Variants in SPRED2 observed in about 807,000 individuals in gnomAD.
The protein encoded by SPRED2 is sprouty-related, EVH1 domain-containing protein 2.
In SPRED2, 47 loss-of-function variants were observed where a neutral mutation model predicts 43.0. The ratio of observed to expected loss-of-function variants is 1.09; its 90% CI spans 0.87 to 1.40. SPRED2 has a LOEUF of 1.40. Ranked by LOEUF, SPRED2 falls within the 40% of genes most tolerant of loss-of-function variation. SPRED2 has a pLI of 0.00. For synonymous variants in SPRED2, 225 were observed against 225.7 expected, an observed-to-expected ratio of 1.00 and a Z score of 0.03; for missense variants, 561 against 586.4, an observed-to-expected ratio of 0.96 and a Z score of 0.45.
At chr2:65,386,281 GTC>G (rs1675498060) in intron 1 of SPRED2, among the ~76,000 whole-genome samples, 1 of 74,740 alleles carries the variant, frequency 1.3e-5, no homozygotes, top group East Asian at 5.6e-4. Context: ...GTGAGACTCT[GTC>G]TCAAAAAAAA....
chr2:65,322,179 A>G (rs1346242451), intron 4 of SPRED2, among the ~76,000 whole-genome samples: 1 of 138,858 alleles, frequency 7.2e-6, no homozygotes, highest in East Asian at 2.1e-4. Flanking sequence ...ATGAAACTAG[A>G]TTTTTCTAAG....
In SPRED2 at chr2:65,311,774, G is replaced by A. The variant is rs1326000354; in HGVS notation, c.*1727C>T. 13 of 985,294 alleles carry A rather than the reference G, an allele frequency of 1.3e-5. No homozygotes were observed. The highest frequency in any genetic ancestry group is 5.2e-4 in the Middle Eastern group (1 of 1,936). The allele number at this position is 985,294 out of a possible 1,614,324, so 61.0% of individuals were successfully genotyped here. ...CATAAGCACACTGGGTATTTACACC[G>A]GTAATCTACTAAAGAAAATCGATGA... On this transcript the variant is annotated 3_prime_UTR_variant, in exon 6 of 6. Coordinates refer to ENST00000356388, the MANE Select transcript of SPRED2 (RefSeq NM_181784.3).
intron 2 of SPRED2, among the ~76,000 whole-genome samples, chr2:65,337,274 T>C (rs114066823): frequency 0.019 from 2,881 of 152,262 alleles, 83 homozygotes; most frequent in African/African-American, 0.066. Context: ...TCCCAACAGA[T>C]ATAAACTCTC....
At chr2:65,329,477 G>T (rs1673743318) in intron 4 of SPRED2, among the ~76,000 whole-genome samples, 1 of 152,234 alleles carries the variant, frequency 6.6e-6, no homozygotes, top group Admixed American at 6.5e-5. Context: ...CAGAATACAA[G>T]AAATTAAGTG....
intron 1 of SPRED2, among the ~76,000 whole-genome samples, chr2:65,349,230 A>T (rs777781823): frequency 2.0e-5 from 3 of 147,232 alleles, no homozygotes; most frequent in Non-Finnish European, 4.5e-5. Flanking sequence ...AATTGCTTGA[A>T]CCCAGGAGGT....
At chr2:65,372,269 C>G (rs1273959534) in intron 1 of SPRED2, among the ~76,000 whole-genome samples, 1 of 152,068 alleles carries the variant, frequency 6.6e-6, no homozygotes, top group African/African-American at 2.4e-5. Flanking sequence ...GAGGGAAAAT[C>G]AGGGCTGGAT....
intron 1 of SPRED2, among the ~76,000 whole-genome samples, chr2:65,406,616 G>T (rs1676029506): frequency 6.6e-6 from 1 of 152,160 alleles, no homozygotes; most frequent in African/African-American, 2.4e-5. Flanking sequence ...GGGAAGTAGG[G>T]GTGGAAATGG....
At chr2:65,422,762 GTTGT>G (rs1558693264) in intron 1 of SPRED2, among the ~76,000 whole-genome samples, 1 of 152,040 alleles carries the variant, frequency 6.6e-6, no homozygotes, top group African/African-American at 2.4e-5. Context: ...GTTTTTTGTT[GTTGT>G]TTTTTATTTT....
At chr2:65,402,326 T>C (rs929569676) in intron 1 of SPRED2, among the ~76,000 whole-genome samples, 10 of 148,366 alleles carry the variant, frequency 6.7e-5, no homozygotes, top group African/African-American at 2.0e-4. Flanking sequence ...AATAATGCTA[T>C]TGGGGATCTG....
chr2:65,383,070 G>C (rs1572884161), intron 1 of SPRED2, among the ~76,000 whole-genome samples: 1 of 152,210 alleles, frequency 6.6e-6, no homozygotes, highest in Non-Finnish European at 1.5e-5. Context: ...CCGCCTCTCT[G>C]CAAGAGTCAT....
At chr2:65,372,589 A>G (rs142017973) in intron 1 of SPRED2, among the ~76,000 whole-genome samples, 78 of 152,210 alleles carry the variant, frequency 5.1e-4, no homozygotes, top group African/African-American at 1.8e-3. Flanking sequence ...CCTGGTTGCA[A>G]ACAGACCAAG....
At chr2:65,422,360 T>C (rs1317917048) in intron 1 of SPRED2, among the ~76,000 whole-genome samples, 1 of 152,148 alleles carries the variant, frequency 6.6e-6, no homozygotes, top group Non-Finnish European at 1.5e-5. Flanking sequence ...AGTAATCAGT[T>C]AGTCAGTCAT....
chr2:65,319,799 C>T (rs1249061712), intron 4 of SPRED2, among the ~76,000 whole-genome samples: 6 of 152,188 alleles, frequency 3.9e-5, no homozygotes, highest in African/African-American at 1.4e-4. Flanking sequence ...CTCCATGTCA[C>T]ACACTGGCAC....
At chr2:65,315,309 T>G (rs967102719) in intron 5 of SPRED2, among the ~76,000 whole-genome samples, 4 of 152,194 alleles carry the variant, frequency 2.6e-5, no homozygotes, top group African/African-American at 9.7e-5. Context: ...TAGGACTGTT[T>G]TGAGAATGAA....
At chr2:65,327,290 C>G (rs1267618965) in intron 4 of SPRED2, among the ~76,000 whole-genome samples, 1 of 152,144 alleles carries the variant, frequency 6.6e-6, no homozygotes, top group Non-Finnish European at 1.5e-5. Context: ...AATAAATACT[C>G]TGTATGAATT....
chr2:65,324,400 G>T (rs1029157408), intron 4 of SPRED2, among the ~76,000 whole-genome samples: 2 of 152,134 alleles, frequency 1.3e-5, no homozygotes, highest in Non-Finnish European at 2.9e-5. Context: ...CTGGGCTAAT[G>T]GACTGGCAGT....
chr2:65,376,302 C>T (rs908865578), intron 1 of SPRED2, among the ~76,000 whole-genome samples: 49 of 152,286 alleles, frequency 3.2e-4, no homozygotes, highest in African/African-American at 9.1e-4. Flanking sequence ...GAACAGGGCA[C>T]GGCATTCCAT....
chr2:65,399,316 C>G (rs949787228), intron 1 of SPRED2, among the ~76,000 whole-genome samples: 3 of 150,300 alleles, frequency 2.0e-5, no homozygotes, highest in African/African-American at 7.3e-5. Context: ...AATACTACTA[C>G]TCAGTCATAA....
intron 1 of SPRED2, among the ~76,000 whole-genome samples, chr2:65,355,342 C>T (rs1332778913): frequency 6.6e-6 from 1 of 152,162 alleles, no homozygotes; most frequent in African/African-American, 2.4e-5. Flanking sequence ...ACATTCAAGG[C>T]ATGTGTCAGA....
Sources: allele counts gnomAD v4.1 joint callset (sites outside exome capture counted in the v4.1 genomes callset), GRCh38; gene constraint gnomAD v4.1.1; transcripts MANE v1.5; gene names NCBI Gene and HGNC (gene_info 2026-07-23, HGNC 2026-07-21).